The following NPFFR2 variants were observed in gnomAD, a reference collection of about 807,000 sequenced individuals.
NPFFR2 encodes G-protein coupled receptor 74.
Under a neutral mutation model 13.1 loss-of-function variants are expected in NPFFR2, and 15 were observed. The ratio of observed to expected loss-of-function variants is 1.15; its 90% CI spans 0.77 to 1.76. The LOEUF is 1.76. NPFFR2 is among the 40% of genes most tolerant of loss of function. The probability of loss-of-function intolerance (pLI) is 0.00; values close to 1 mark genes in which losing one functional copy is unlikely to be tolerated. For synonymous variants in NPFFR2, 190 were observed against 175.7 expected, an observed-to-expected ratio of 1.08 and a Z score of -0.65; for missense variants, 572 against 503.5, an observed-to-expected ratio of 1.14 and a Z score of -1.30.
rs961589280 is a variant in NPFFR2, at chr4:72,128,780, T to A, written c.189T>A (p.Asn63Lys). 6.2e-7 allele frequency: 1 copy of A among 1,614,182 alleles called. No homozygotes were observed. The part of the protein sequence containing the change: ...FLIFFLCMMG[N>K]TVVCFIVMRN... ...TCTTCTTTTTGTGCATGATGGGAAA[T>A]ACTGTGGTTTGCTTTATTGTAATGA... The change falls in exon 2 of 4, where the codon AAT becomes AAA. Residue 63 changes from asparagine to lysine, a missense_variant. Coordinates refer to ENST00000308744, the MANE Select transcript of NPFFR2 (RefSeq NM_004885.3).
intron 3 of NPFFR2, among the ~76,000 whole-genome samples, chr4:72,139,465 C>G (rs1052191265): frequency 6.6e-6 from 1 of 152,166 alleles, no homozygotes. Context: ...CCAGTTTCAG[C>G]TTTCCACATA....
At chr4:72,048,486 A>G (rs556603361) in intron 1 of NPFFR2, among the ~76,000 whole-genome samples, 1 of 152,244 alleles carries the variant, frequency 6.6e-6, no homozygotes, top group South Asian at 2.1e-4. Flanking sequence ...AATTCACAAT[A>G]TACATATATG....
chr4:72,057,202 AT>A (rs58753708), intron 1 of NPFFR2, among the ~76,000 whole-genome samples: 95,010 of 151,600 alleles, frequency 0.63, 29,929 homozygotes, highest in Admixed American at 0.68. Context: ...CATCATCATC[AT>A]CATTGACTCA....
At chr4:72,071,635 G>A (rs1351565007) in intron 1 of NPFFR2, among the ~76,000 whole-genome samples, 2 of 152,110 alleles carry the variant, frequency 1.3e-5, no homozygotes, top group African/African-American at 4.8e-5. Context: ...TCAGCCACAT[G>A]ACAGGTAGAT....
intron 1 of NPFFR2, among the ~76,000 whole-genome samples, chr4:72,076,183 T>C (rs1720432009): frequency 6.6e-6 from 1 of 152,008 alleles, no homozygotes; most frequent in Admixed American, 6.6e-5. Flanking sequence ...TATGGAGTTT[T>C]TTTTTCCATT....
At chr4:72,066,637 G>C (rs901862923) in intron 1 of NPFFR2, among the ~76,000 whole-genome samples, 6 of 31,814 alleles carry the variant, frequency 1.9e-4, no homozygotes, top group Non-Finnish European at 8.4e-4. Flanking sequence ...AGATGTTTCT[G>C]TTCCAAAAGG....
chr4:72,047,054 C>G (rs1401747902), intron 1 of NPFFR2, among the ~76,000 whole-genome samples: 1 of 152,046 alleles, frequency 6.6e-6, no homozygotes, highest in Non-Finnish European at 1.5e-5. Flanking sequence ...ATTCAGGCTG[C>G]TGCATGGCTG....
intron 1 of NPFFR2, among the ~76,000 whole-genome samples, chr4:72,082,648 C>CT (rs1560405662): frequency 1.3e-5 from 2 of 151,546 alleles, no homozygotes; most frequent in East Asian, 3.9e-4. Context: ...AAATCTGCAT[C>CT]TTTTTTTGTG....
At chr4:72,115,178 C>T (rs184451218) in intron 1 of NPFFR2, among the ~76,000 whole-genome samples, 10 of 152,132 alleles carry the variant, frequency 6.6e-5, no homozygotes, top group African/African-American at 2.2e-4. Flanking sequence ...GAATATAATG[C>T]TTTCATGGCT....
chr4:72,140,180 A>G lies in NPFFR2; in HGVS notation c.428+2041A>G, dbSNP rs563355523. On this transcript the variant is annotated intron_variant, in intron 3 of 3. Transcript: ENST00000308744. ...GGGCTGAGATTATGGGGTTTTCTAAATATACAATGACGTCATCTGCAAAGA... is the reference window on the plus strand; with the variant it reads ...GGGCTGAGATTATGGGGTTTTCTAAGTATACAATGACGTCATCTGCAAAGA... Among the ~76,000 whole-genome samples, 7 of 152,314 alleles carry G rather than the reference A, an allele frequency of 4.6e-5. No homozygotes were observed. The East Asian group carries it at 1.4e-3, about 29-fold the overall frequency.
chr4:72,038,901 CTTTCTTT>C (rs1321883260), intron 1 of NPFFR2, among the ~76,000 whole-genome samples: 48 of 86,972 alleles, frequency 5.5e-4, no homozygotes, highest in Admixed American at 3.9e-3. Flanking sequence ...TTTAAATTTC[CTTTCTTT>C]TTTTTTTTTT....
intron 3 of NPFFR2, among the ~76,000 whole-genome samples, chr4:72,141,682 A>G (rs908616389): frequency 5.3e-5 from 8 of 152,014 alleles, no homozygotes; most frequent in Non-Finnish European, 7.4e-5. Flanking sequence ...ACTTCCAACT[A>G]TGTGGTCAGT....
intron 1 of NPFFR2, among the ~76,000 whole-genome samples, chr4:72,109,858 C>A (rs561611043): frequency 3.3e-5 from 5 of 152,112 alleles, no homozygotes; most frequent in African/African-American, 7.2e-5. Flanking sequence ...TCCCCATCTG[C>A]AGGGTGTATT....
chr4:72,125,831 C>T (rs756449784), intron 1 of NPFFR2, among the ~76,000 whole-genome samples: 1 of 152,172 alleles, frequency 6.6e-6, no homozygotes, highest in Admixed American at 6.5e-5. Flanking sequence ...TTAATATAAG[C>T]TAACTAGCAA....
intron 2 of NPFFR2, among the ~76,000 whole-genome samples, chr4:72,131,406 T>C (rs1199768701): frequency 7.7e-6 from 1 of 129,260 alleles, no homozygotes; most frequent in Non-Finnish European, 1.5e-5. Context: ...TGAGATCACA[T>C]GGACACAGGA....
intron 1 of NPFFR2, among the ~76,000 whole-genome samples, chr4:72,122,540 A>G (rs1346826000): frequency 6.6e-6 from 1 of 152,216 alleles, no homozygotes; most frequent in Non-Finnish European, 1.5e-5. Context: ...AACAGAAATC[A>G]TAACAAACAG....
chr4:72,068,982 A>G, intron 1 of NPFFR2: 2 of 1,431,104 alleles, frequency 1.4e-6, no homozygotes, highest in Non-Finnish European at 1.9e-6. Flanking sequence ...AAAAGATTGA[A>G]TGTCTTAATA....
chr4:72,059,387 A>T (rs1719856658), intron 1 of NPFFR2, among the ~76,000 whole-genome samples: 1 of 152,066 alleles, frequency 6.6e-6, no homozygotes, highest in South Asian at 2.1e-4. Context: ...GAGAAAACAT[A>T]TTTGTCAGAC....
At chr4:72,062,959 A>G (rs912283440) in intron 1 of NPFFR2, among the ~76,000 whole-genome samples, 12 of 124,250 alleles carry the variant, frequency 9.7e-5, no homozygotes, top group African/African-American at 3.4e-4. Context: ...AAACAAAACA[A>G]AAAACACTGT....
Sources: allele counts gnomAD v4.1 joint callset (sites outside exome capture counted in the v4.1 genomes callset), GRCh38; gene constraint gnomAD v4.1.1; transcripts MANE v1.5; gene names NCBI Gene and HGNC (gene_info 2026-07-23, HGNC 2026-07-21).